MGMT: variants seen among roughly 807,000 people sequenced by gnomAD.
MGMT encodes the protein O-6-methylguanine-DNA methyltransferase.
MGMT carries 14 observed loss-of-function variants against 15.9 expected under a neutral mutation model. The observed-to-expected ratio is 0.88, with a 90% CI of 0.58 to 1.37. The LOEUF (loss-of-function observed/expected upper bound fraction) is 1.37. Among genes scored for constraint, MGMT ranks in the 40% most tolerant of loss-of-function variants. MGMT has a pLI of 0.00. For synonymous variants in MGMT, 130 were observed against 118.2 expected, an observed-to-expected ratio of 1.10 and a Z score of -0.65; for missense variants, 282 against 268.1, an observed-to-expected ratio of 1.05 and a Z score of -0.36.
At chr10:129,732,980 C>T (rs569746904) in intron 3 of MGMT, among the ~76,000 whole-genome samples, 2 of 151,572 alleles carry the variant, frequency 1.3e-5, no homozygotes, top group East Asian at 3.9e-4. Context: ...GGGTTGGTTC[C>T]AAGTCTTTGC....
At chr10:129,531,439 C>T (rs1845930473) in intron 1 of MGMT, among the ~76,000 whole-genome samples, 1 of 152,014 alleles carries the variant, frequency 6.6e-6, no homozygotes, top group South Asian at 2.1e-4. Context: ...CTGATTTCTG[C>T]CTTTTGTGGG....
Position 129,674,514 on chromosome 10 carries a change from CCTTG to C in MGMT, c.126-33377_126-33374del, listed in dbSNP as rs529403894. 3.3e-5 allele frequency among the ~76,000 whole-genome samples: 5 copies of C among 152,332 alleles called. No individual in the cohort carries two copies. In the South Asian group the frequency reaches 8.3e-4, roughly 25 times the overall value. On this transcript the variant is annotated intron_variant, in intron 2 of 4. Coordinates refer to ENST00000651593, the MANE Select transcript of MGMT (RefSeq NM_002412.5). The stretch of plus-strand genomic sequence containing the variant: ...GACCTCTTAATGGCCACATGGACCC[CCTTG>C]CTTATCTTTGAGAGCAGGGCCTTGA...
At chr10:129,471,292 G>C (rs1845228551) in intron 1 of MGMT, among the ~76,000 whole-genome samples, 1 of 152,224 alleles carries the variant, frequency 6.6e-6, no homozygotes, top group East Asian at 1.9e-4. Flanking sequence ...GGCAATTCTG[G>C]CACGGGATGT....
intron 1 of MGMT, 112 bp downstream of exon 1, chr10:129,467,408 G>T (rs990841814): frequency 7.3e-7 from 1 of 1,374,234 alleles, no homozygotes; most frequent in East Asian, 3.1e-5. Flanking sequence ...GTGTGGGGCC[G>T]CCCTGACCCC....
chr10:129,524,264 C>CCAAA (rs373857894), intron 1 of MGMT, among the ~76,000 whole-genome samples: 3 of 152,194 alleles, frequency 2.0e-5, no homozygotes, highest in Non-Finnish European at 4.4e-5. Context: ...TGCAGCCTTG[C>CCAAA]CAAACAAACA....
chr10:129,524,664 T>C (rs1845849672), intron 1 of MGMT, among the ~76,000 whole-genome samples: 1 of 135,938 alleles, frequency 7.4e-6, no homozygotes, highest in African/African-American at 2.7e-5. Context: ...TGATCTCAGC[T>C]CACTGCAACC....
chr10:129,577,842 A>G (rs112296488), intron 2 of MGMT, among the ~76,000 whole-genome samples: 2 of 152,220 alleles, frequency 1.3e-5, no homozygotes, highest in Non-Finnish European at 2.9e-5. Context: ...ATTTACAAGA[A>G]AAAAACAACC....
intron 2 of MGMT, among the ~76,000 whole-genome samples, chr10:129,628,188 C>G (rs34208708): frequency 0.054 from 8,283 of 152,238 alleles, 321 homozygotes; most frequent in Middle Eastern, 0.082. Context: ...ATACCGCCTT[C>G]CTTTTCATTT....
At chr10:129,624,256 G>A (rs1433209722) in intron 2 of MGMT, among the ~76,000 whole-genome samples, 1 of 152,240 alleles carries the variant, frequency 6.6e-6, no homozygotes, top group African/African-American at 2.4e-5. Context: ...TTTCCTGGCA[G>A]CCCTGGGGAT....
At chr10:129,691,899 G>C (rs532387446) in intron 2 of MGMT, among the ~76,000 whole-genome samples, 2 of 152,194 alleles carry the variant, frequency 1.3e-5, no homozygotes, top group African/African-American at 2.4e-5. Flanking sequence ...AAGCTCTAGA[G>C]TTTGGTGCCT....
intron 2 of MGMT, among the ~76,000 whole-genome samples, chr10:129,667,641 T>G (rs914378042): frequency 1.3e-5 from 2 of 152,234 alleles, no homozygotes; most frequent in Non-Finnish European, 2.9e-5. Flanking sequence ...TATGTCCTAG[T>G]TCCAGACTCA....
intron 2 of MGMT, among the ~76,000 whole-genome samples, chr10:129,646,754 A>ATATATATATATATATATATTTTTTT: frequency 5.8e-5 from 5 of 86,664 alleles, no homozygotes; most frequent in Admixed American, 2.4e-4. Flanking sequence ...ATATATATAT[A>ATATATATATATATATATATTTTTTT]TTTTCAGGGA....
rs1468499990 is a variant in MGMT, at chr10:129,566,161, T to A, written c.125+29784T>A. ...CAGGGTTCCCAGTGCCCCCAGGCTC[T>A]ACTTTGCTCTGCCTGGTCTCAGGGT... On this transcript the variant is annotated intron_variant, in intron 2 of 4. Coordinates refer to ENST00000651593, the MANE Select transcript of MGMT (RefSeq NM_002412.5). This position sits in a 1 kb window ranked among gnomAD's most constrained non-coding sequence, Gnocchi z 4.1. Among the ~76,000 whole-genome samples, 1 of 152,216 alleles carries A rather than the reference T, an allele frequency of 6.6e-6. No individual in the cohort carries two copies. The highest frequency in any genetic ancestry group is 2.4e-5 in the African/African-American group (1 of 41,460).
At chr10:129,513,137 A>G (rs1301788589) in intron 1 of MGMT, among the ~76,000 whole-genome samples, 2 of 152,234 alleles carry the variant, frequency 1.3e-5, no homozygotes, top group Admixed American at 6.5e-5. Context: ...GCTGAGTGAT[A>G]TAAGCCAGTC....
intron 1 of MGMT, among the ~76,000 whole-genome samples, chr10:129,510,837 T>C (rs1845674073): frequency 6.6e-6 from 1 of 150,414 alleles, no homozygotes; most frequent in African/African-American, 2.5e-5. Flanking sequence ...CGCAGGCACG[T>C]GCTTCATGCA....
rs560352792 is a variant in MGMT at position 129,659,597 on chromosome 10, G to A, written c.126-48298G>A. ...CATTATTATTTAATGATGAGTTAGT[G>A]CAAATTGAGGGGTGAGGAAGTAGCA... On this transcript the variant is annotated intron_variant, in intron 2 of 4. Transcript: ENST00000651593. This position sits in a 1 kb window ranked among gnomAD's most constrained non-coding sequence, Gnocchi z 4.1. Among the ~76,000 whole-genome samples, 4 of 152,178 alleles carry A rather than the reference G, an allele frequency of 2.6e-5. No individual in the cohort carries two copies. Among genetic ancestry groups the A allele is most frequent in the Non-Finnish European group, 4.4e-5 (3 of 68,030 alleles).
At chr10:129,667,239 T>C (rs980711480) in intron 2 of MGMT, among the ~76,000 whole-genome samples, 1 of 152,300 alleles carries the variant, frequency 6.6e-6, no homozygotes. Flanking sequence ...GAAGTAACCC[T>C]ATTCCGACTT....
intron 1 of MGMT, among the ~76,000 whole-genome samples, chr10:129,495,544 G>C (rs903319968): frequency 1.3e-5 from 2 of 152,142 alleles, no homozygotes; most frequent in African/African-American, 4.8e-5. Flanking sequence ...ATGGACTGCT[G>C]AACTTTTTAA....
chr10:129,564,687 C>T lies in MGMT; in HGVS notation c.125+28310C>T, dbSNP rs1846332178. ...TCCTCCCCCTCCTCTCCTTCCTCCTCCTCCTCTCCTTCCTCCTCTTCCTCC... is the reference window on the plus strand; with the variant it reads ...TCCTCCCCCTCCTCTCCTTCCTCCTTCTCCTCTCCTTCCTCCTCTTCCTCC... On this transcript the variant is annotated intron_variant, in intron 2 of 4. Transcript: ENST00000651593. Among the ~76,000 whole-genome samples, 5 of 139,462 alleles carry T rather than the reference C, an allele frequency of 3.6e-5. No individual in the cohort carries two copies. The South Asian group carries it at 1.0e-3, about 28-fold the overall frequency. 91.5% of individuals were successfully genotyped at this position (139,462 alleles called of 152,430 possible).
Sources: gnomAD v4.1 joint callset for allele counts (sites outside exome capture counted in the v4.1 genomes callset) on GRCh38, gnomAD v4.1.1 for gene constraint, Gnocchi (gnomAD v3.1) non-coding constraint, MANE v1.5 for transcripts, NCBI Gene and HGNC (gene_info 2026-07-23, HGNC 2026-07-21) for gene names.